The following PEX16 variants were observed in gnomAD, a reference collection of about 807,000 sequenced individuals.
The protein encoded by PEX16 is peroxin 16.
In PEX16, 37 loss-of-function variants were observed where a neutral mutation model predicts 50.5. The ratio of observed to expected loss-of-function variants is 0.73; its 90% confidence interval spans 0.56 to 0.96. The LOEUF is 0.96. PEX16 is among the 40% of genes least tolerant of loss of function. PEX16 has a pLI of 0.00. For missense variants in PEX16, 401 were observed against 438.3 expected (o/e 0.91, Z 0.76); for synonymous variants, 185 against 190.3 (o/e 0.97, Z 0.23).
chr11:45,915,351 T>C lies in PEX16; in HGVS notation c.460+117A>G, dbSNP rs914757966. On this transcript the variant is annotated intron_variant, in intron 5 of 10. Coordinates refer to ENST00000378750, the MANE Select transcript of PEX16 (RefSeq NM_004813.4). The stretch of plus-strand genomic sequence containing the variant: ...AATACATGGCAATGAGAACACATAG[T>C]TGATAGGGACAGGCGTGCTCCATAA... 4.6e-5 allele frequency: 34 copies of C among 745,102 alleles called. No individual in the cohort carries two copies. In the African/African-American group the frequency reaches 4.8e-4, roughly 11 times the overall value. The allele number at this position is 745,102 out of a possible 1,614,324, so 46.2% of individuals were successfully genotyped here.
upstream of PEX16, chr11:45,918,090 C>T (rs2280330): frequency 0.017 from 8,970 of 515,794 alleles, 353 homozygotes; most frequent in African/African-American, 0.092. Flanking sequence ...CTGACCCGCC[C>T]AGCGCCGTCA....
At chr11:45,915,389 G>T in intron 5 of PEX16, 79 bp downstream of exon 5, 1 of 1,034,208 alleles carries the variant, frequency 9.7e-7, no homozygotes, top group Non-Finnish European at 1.5e-6. Context: ...AGATACTACT[G>T]TATTCATGCT....
In PEX16 at chr11:45,909,918, A is replaced by G; in HGVS notation, c.*336T>C. The stretch of plus-strand genomic sequence containing the variant: ...TGTCCTCACCAGGGGCCAGCGAGAG[A>G]GCAGCAGTGTTCGCTCCTATGGCTG... On this transcript the variant is annotated 3_prime_UTR_variant, in exon 11 of 11. Transcript: ENST00000378750. 2 of 652,036 alleles carry G rather than the reference A, an allele frequency of 3.1e-6. No individual in the cohort carries two copies. The highest frequency in any genetic ancestry group is 5.5e-6 in the Non-Finnish European group (2 of 362,800). 40.4% of individuals were successfully genotyped at this position (652,036 alleles called of 1,614,324 possible). A position where few individuals can be genotyped will look rare whatever the true frequency, so the allele number is the denominator to read the frequency against.
chr11:45,916,585 C>T (rs2086838544), intron 2 of PEX16, among the ~76,000 whole-genome samples: 1 of 152,248 alleles, frequency 6.6e-6, no homozygotes, highest in Non-Finnish European at 1.5e-5. Flanking sequence ...AACTGCCCAT[C>T]GCTCTCTGAA....
chr11:45,914,015 T>C, intron 8 of PEX16, 77 bp from the exon 9 acceptor site: 1 of 1,598,116 alleles, frequency 6.3e-7, no homozygotes, highest in South Asian at 1.1e-5. Flanking sequence ...ATGGGCTGGG[T>C]GTCCAGAGGG....
intron 2 of PEX16, among the ~76,000 whole-genome samples, chr11:45,916,578 T>G (rs1376939444): frequency 6.6e-6 from 1 of 152,238 alleles, no homozygotes; most frequent in African/African-American, 2.4e-5. Context: ...TGCCCACAAC[T>G]GCCCATCGCT....
chr11:45,910,170 C>T lies in PEX16; in HGVS notation c.*84G>A. 6.2e-7 allele frequency: 1 copy of T among 1,612,184 alleles called. No individual in the cohort carries two copies. The highest frequency in any genetic ancestry group is 8.5e-7 in the Non-Finnish European group (1 of 1,179,930). The stretch of plus-strand genomic sequence containing the variant: ...CCGGTAGGCACGGAGAGGCCGCACG[C>T]TGGGACGCTGCCGGAGTCAGTTTTA... On this transcript the variant is annotated 3_prime_UTR_variant, in exon 11 of 11. Coordinates refer to ENST00000378750, the MANE Select transcript of PEX16 (RefSeq NM_004813.4).
At chr11:45,913,348 G>C (rs1474491502) in intron 9 of PEX16, among the ~76,000 whole-genome samples, 1 of 152,140 alleles carries the variant, frequency 6.6e-6, no homozygotes. Context: ...GCAGGTGACT[G>C]AGTGGGGGCT....
intron 10 of PEX16, 131 bp from the exon 11 acceptor site, chr11:45,910,443 C>T (rs2086764933): frequency 3.9e-6 from 3 of 762,362 alleles, no homozygotes; most frequent in Non-Finnish European, 7.0e-6. Context: ...CAGGAGGCAG[C>T]ACTGCAGGGG....
At chr11:45,912,415 C>A (rs2086788234) in intron 9 of PEX16, among the ~76,000 whole-genome samples, 1 of 151,988 alleles carries the variant, frequency 6.6e-6, no homozygotes, top group Non-Finnish European at 1.5e-5. Context: ...AGGAGAATGG[C>A]ATGAACCCGG....
rs777904359 is a variant in PEX16, at chr11:45,914,326, C to G, written c.684G>C (p.Pro228=). 4 of 1,613,062 alleles carry G rather than the reference C, an allele frequency of 2.5e-6. No individual in the cohort carries two copies. In the East Asian group the frequency reaches 8.9e-5, roughly 36 times the overall value. Residue 228 remains proline, a synonymous_variant, in exon 7 of 11, where the codon CCG becomes CCC. Coordinates refer to ENST00000378750, the MANE Select transcript of PEX16 (RefSeq NM_004813.4). ...CCGCGCTAAGGATACAGTGCAGCAG[C>G]GGCCGGGCAATGTACAAAAACTCTG... ...TIAEFLYIAR[P]LLHLLSLGLW... is the part of the protein sequence containing the mutation.
intron 9 of PEX16, 113 bp from the exon 10 acceptor site, chr11:45,911,075 A>G (rs1253275836): frequency 1.4e-5 from 11 of 773,538 alleles, no homozygotes; most frequent in Non-Finnish European, 2.5e-5. Context: ...CGCATTCCAG[A>G]AAACAAAGGT....
chr11:45,915,304 C>T (rs559237509), intron 5 of PEX16, among the ~76,000 whole-genome samples, 164 bp downstream of exon 5: 8 of 152,354 alleles, frequency 5.3e-5, no homozygotes, highest in East Asian at 1.9e-4. Flanking sequence ...TGTCCCTAGC[C>T]GCATCATTGT....
At chr11:45,916,347 C>A in intron 2 of PEX16, 44 bp from the exon 3 acceptor site, 1 of 1,428,640 alleles carries the variant, frequency 7.0e-7, no homozygotes, top group Non-Finnish European at 9.9e-7. Flanking sequence ...TCTGCAGCCT[C>A]CATCCCTCTC....
In PEX16 at chr11:45,914,388, C is replaced by T; in HGVS notation, c.622G>A (p.Ala208Thr). The part of the protein sequence containing the change: ...RQQQHHEELS[A>T]TPTPLGLQET... The stretch of plus-strand genomic sequence containing the variant: ...TGCAGCCCCAGGGGGGTGGGGGTCG[C>T]ACTCAGCTCCTCGTGATGCTGCTGC... Residue 208 changes from alanine to threonine, a missense_variant, in exon 7 of 11, where the codon GCG (alanine) becomes ACG (threonine). Coordinates refer to ENST00000378750, the MANE Select transcript of PEX16 (RefSeq NM_004813.4). 1.2e-6 allele frequency: 2 copies of T among 1,610,272 alleles called. No homozygotes were observed. Among genetic ancestry groups the T allele is most frequent in the South Asian group, 2.2e-5 (2 of 91,090 alleles).
At chr11:45,916,558 G>A (rs781143679) in intron 2 of PEX16, among the ~76,000 whole-genome samples, 1 of 152,178 alleles carries the variant, frequency 6.6e-6, no homozygotes, top group Non-Finnish European at 1.5e-5. Flanking sequence ...GATGGCACTG[G>A]TCATCCAGCT....
chr11:45,914,717 G>A (rs2086815815), intron 5 of PEX16, 33 bp from the exon 6 acceptor site: 1 of 1,570,586 alleles, frequency 6.4e-7, no homozygotes, highest in Non-Finnish European at 8.8e-7. Flanking sequence ...CATACAGTCA[G>A]AGGGACATGC....
chr11:45,916,367 C>T, intron 2 of PEX16, 64 bp from the exon 3 acceptor site: 1 of 1,286,906 alleles, frequency 7.8e-7, no homozygotes, highest in Non-Finnish European at 1.1e-6. Flanking sequence ...CACCTTCTCC[C>T]CAGAGCTGCA....
intron 6 of PEX16, 25 bp from the exon 7 acceptor site, chr11:45,914,493 G>A (rs1397820218): frequency 4.4e-6 from 7 of 1,608,590 alleles, no homozygotes; most frequent in Admixed American, 3.3e-5. Flanking sequence ...CGGCAGATGA[G>A]CGAGCCAGGC....
Sources: gnomAD v4.1 joint callset for allele counts (sites outside exome capture counted in the v4.1 genomes callset) on GRCh38, gnomAD v4.1.1 for gene constraint, MANE v1.5 for transcripts, NCBI Gene and HGNC (gene_info 2026-07-23, HGNC 2026-07-21) for gene names.